Variants in MTCL3 observed in about 807,000 individuals in gnomAD.
MTCL3 encodes the protein MTCL family member 3.
the MTCL3 span, among the ~76,000 whole-genome samples, chr6:127,501,329 T>G: frequency 6.6e-6 from 1 of 152,210 alleles, no homozygotes; most frequent in African/African-American, 2.4e-5. Context: ...ACTTCCCATA[T>G]AACAGATATT....
chr6:127,487,434 A>G, the MTCL3 span, among the ~76,000 whole-genome samples: 5 of 152,192 alleles, frequency 3.3e-5, no homozygotes, highest in Admixed American at 1.3e-4. Context: ...TACTGTGACT[A>G]TAGGGTAACA....
At chr6:127,494,048 C>A in the MTCL3 span, among the ~76,000 whole-genome samples, 1 of 152,170 alleles carries the variant, frequency 6.6e-6, no homozygotes, top group African/African-American at 2.4e-5. Flanking sequence ...TCAGAATTAT[C>A]TTCACAGGGC....
the MTCL3 span, chr6:127,515,943 G>C: frequency 1.9e-6 from 3 of 1,608,176 alleles, no homozygotes; most frequent in Non-Finnish European, 2.5e-6. This position sits in a 1 kb window ranked among gnomAD's most constrained non-coding sequence, Gnocchi z 4.3. Context: ...CTGGGGTTTT[G>C]CCCGCAGAAG....
the MTCL3 span, chr6:127,515,986 C>A: frequency 1.9e-6 from 3 of 1,595,156 alleles, no homozygotes; most frequent in Non-Finnish European, 2.6e-6. This position sits in a 1 kb window ranked among gnomAD's most constrained non-coding sequence, Gnocchi z 4.3. Flanking sequence ...CCCCTCCCCG[C>A]CGCTGCCGCC....
the MTCL3 span, among the ~76,000 whole-genome samples, chr6:127,479,015 TAAAAAAAA>T: frequency 7.6e-5 from 4 of 52,332 alleles, no homozygotes; most frequent in Non-Finnish European, 1.5e-4. Flanking sequence ...AGACTCCATC[TAAAAAAAA>T]AAAAAAAAAA....
chr6:127,478,822 G>C, the MTCL3 span, among the ~76,000 whole-genome samples: 7 of 152,040 alleles, frequency 4.6e-5, no homozygotes, highest in Non-Finnish European at 1.0e-4. Context: ...CTCGAAACCA[G>C]CCTGGCTAAT....
chr6:127,475,879 C>G, the MTCL3 span: 1 of 1,613,694 alleles, frequency 6.2e-7, no homozygotes, highest in Non-Finnish European at 8.5e-7. This position sits in a 1 kb window ranked among gnomAD's most constrained non-coding sequence, Gnocchi z 7.3. Flanking sequence ...GACCTTGCCG[C>G]TGAGCTCGTT....
chr6:127,496,936 T>C, the MTCL3 span, among the ~76,000 whole-genome samples: 1 of 152,204 alleles, frequency 6.6e-6, no homozygotes, highest in Non-Finnish European at 1.5e-5. Context: ...TACAGTGCAA[T>C]TTCATTTATA....
At chr6:127,475,489 T>G in the MTCL3 span, 1 of 1,613,510 alleles carries the variant, frequency 6.2e-7, no homozygotes. The surrounding 1 kb of genome is among the most constrained non-coding windows in gnomAD (Gnocchi z 7.3). Flanking sequence ...GTTGGCCACG[T>G]AGATGCGCGC....
At chr6:127,501,474 T>C in the MTCL3 span, among the ~76,000 whole-genome samples, 1 of 152,216 alleles carries the variant, frequency 6.6e-6, no homozygotes, top group African/African-American at 2.4e-5. Flanking sequence ...AATAAGCAAT[T>C]GGTCTAATTA....
chr6:127,515,107 A>G, the MTCL3 span: 1 of 1,389,574 alleles, frequency 7.2e-7, no homozygotes, highest in Non-Finnish European at 1.0e-6. This position sits in a 1 kb window ranked among gnomAD's most constrained non-coding sequence, Gnocchi z 4.3. Context: ...TCCGACACAC[A>G]CCGTACACAC....
the MTCL3 span, among the ~76,000 whole-genome samples, chr6:127,479,289 C>T: frequency 6.6e-6 from 1 of 152,200 alleles, no homozygotes; most frequent in African/African-American, 2.4e-5. Context: ...AGGTCACTCT[C>T]GTTGCCATCT....
chr6:127,473,088 T>C, the MTCL3 span: 2 of 1,146,052 alleles, frequency 1.7e-6, no homozygotes, highest in South Asian at 8.3e-5. Context: ...ACCTGAAATA[T>C]TTTAGTGTTT....
chr6:127,500,300 AT>A, the MTCL3 span, among the ~76,000 whole-genome samples: 1 of 152,156 alleles, frequency 6.6e-6, no homozygotes, highest in Non-Finnish European at 1.5e-5. Context: ...AATAAGACAT[AT>A]TTTTTTGACT....
chr6:127,515,565 T>G, the MTCL3 span: 2 of 1,463,966 alleles, frequency 1.4e-6, no homozygotes, highest in African/African-American at 3.0e-5. This position sits in a 1 kb window ranked among gnomAD's most constrained non-coding sequence, Gnocchi z 4.3. Context: ...CTTGCATTTC[T>G]TCCTGCTCTT....
chr6:127,491,865 C>T, the MTCL3 span, among the ~76,000 whole-genome samples: 1 of 125,202 alleles, frequency 8.0e-6, no homozygotes, highest in Non-Finnish European at 1.6e-5. Context: ...TAGACTCCAG[C>T]AAGACCCTGT....
At chr6:127,515,535 T>C in the MTCL3 span, 1 of 1,457,330 alleles carries the variant, frequency 6.9e-7, no homozygotes. The surrounding 1 kb of genome is among the most constrained non-coding windows in gnomAD (Gnocchi z 4.3). Flanking sequence ...CGTTTTCCTC[T>C]CGCAGCTTCT....
chr6:127,517,268 T>G, the MTCL3 span, among the ~76,000 whole-genome samples: 7 of 152,194 alleles, frequency 4.6e-5, no homozygotes, highest in African/African-American at 1.7e-4. Context: ...ACCCTTAATG[T>G]TGTTTTTGGG....
At chr6:127,510,164 G>C in the MTCL3 span, among the ~76,000 whole-genome samples, 1 of 152,030 alleles carries the variant, frequency 6.6e-6, no homozygotes, top group East Asian at 1.9e-4. Context: ...CTGATGTTCT[G>C]CATATATACT....
Sources: allele counts gnomAD v4.1 joint callset (sites outside exome capture counted in the v4.1 genomes callset), GRCh38; gene constraint gnomAD v4.1.1; non-coding constraint Gnocchi (gnomAD v3.1); transcripts MANE v1.5; gene names NCBI Gene and HGNC (gene_info 2026-07-23, HGNC 2026-07-21).